INO80: variants seen among roughly 807,000 people sequenced by gnomAD.
INO80 encodes the protein chromatin-remodeling ATPase INO80.
Under a neutral mutation model 203.4 loss-of-function variants are expected in INO80, and 20 were observed. The ratio of observed to expected loss-of-function variants is 0.10; its 90% CI spans 0.07 to 0.14. The LOEUF (loss-of-function observed/expected upper bound fraction) is 0.14, where lower values mean the gene tolerates loss of function less well. Among genes scored for constraint, INO80 ranks in the 10% least tolerant of loss-of-function variants. INO80 has a pLI of 1.00. For missense variants in INO80, 1,419 were observed against 1,914.4 expected, an observed-to-expected ratio of 0.74 and a Z score of 4.83; for synonymous variants, 726 against 685.2, an observed-to-expected ratio of 1.06 and a Z score of -0.93.
rs1031541267 is a variant in INO80 at position 41,116,042 on chromosome 15, G to C, written c.-113C>G. 2.5e-6 allele frequency: 1 copy of C among 394,396 alleles called. No homozygotes were observed. Among genetic ancestry groups the C allele is most frequent in the Non-Finnish European group, 4.5e-6 (1 of 223,420 alleles). 24.4% of individuals were successfully genotyped at this position (394,396 alleles called of 1,614,324 possible). On this transcript the variant is annotated 5_prime_UTR_variant, in exon 1 of 36. Transcript: ENST00000648947. ...GCGGGGTGCGGGCGGGGTCCGGAGG[G>C]GGGGGTCGCCCCGCCGACGGTGGAG...
intron 10 of INO80, 57 bp downstream of exon 10, chr15:41,074,313 C>G (rs1368629325): frequency 1.5e-6 from 2 of 1,336,748 alleles, no homozygotes; most frequent in Non-Finnish European, 2.1e-6. Flanking sequence ...ATGTATATAA[C>G]CTTTAGATAT....
At chr15:41,021,709 G>A (rs185274779) in intron 25 of INO80, among the ~76,000 whole-genome samples, 26 of 152,322 alleles carry the variant, frequency 1.7e-4, no homozygotes, top group African/African-American at 5.8e-4. Context: ...GGGGGAGTGC[G>A]GAGGCAGGGG....
intron 31 of INO80, among the ~76,000 whole-genome samples, chr15:40,985,827 G>C (rs1218225395): frequency 6.6e-6 from 1 of 152,066 alleles, no homozygotes; most frequent in African/African-American, 2.4e-5. Context: ...AGGACTGCCT[G>C]AGCCCAGGAA....
At chr15:41,108,374 G>A (rs1386128929) in intron 1 of INO80, among the ~76,000 whole-genome samples, 1 of 151,944 alleles carries the variant, frequency 6.6e-6, no homozygotes, top group Non-Finnish European at 1.5e-5. Flanking sequence ...CGGATCACAA[G>A]GTCAGGAGAT....
intron 1 of INO80, among the ~76,000 whole-genome samples, chr15:41,109,364 C>T (rs927253752): frequency 1.3e-5 from 2 of 151,672 alleles, no homozygotes; most frequent in Non-Finnish European, 1.5e-5. Context: ...TGAGGCAGAA[C>T]TGCCTGAACC....
At chr15:41,031,615 AGGG>A (rs1490778720) in intron 24 of INO80, among the ~76,000 whole-genome samples, 8 of 2,744 alleles carry the variant, frequency 2.9e-3, no homozygotes, top group African/African-American at 7.3e-3. Context: ...GGAAGGGAGG[AGGG>A]AGGAAGGGAG....
intron 27 of INO80, among the ~76,000 whole-genome samples, chr15:41,015,038 G>C (rs2044183217): frequency 6.6e-6 from 1 of 152,142 alleles, no homozygotes; most frequent in Non-Finnish European, 1.5e-5. Flanking sequence ...TTTATATAAA[G>C]ACTTATTGTA....
chr15:40,982,920 G>A lies in INO80; in HGVS notation c.4395C>T (p.Ala1465=), dbSNP rs758803693. The part of the protein sequence containing the change: ...GSAAAMAGAK[A]GAAAASAAAY... ...CAGCTGCAGAGGCCGCTGCAGCCCC[G>A]GCTTTGGCTCCTGCCATTGCAGCAG... The change falls in exon 35 of 36, where the codon GCC becomes GCT. Residue 1465 remains alanine (A), a synonymous_variant. Coordinates refer to ENST00000648947, the MANE Select transcript of INO80 (RefSeq NM_017553.3). 6.2e-6 allele frequency: 10 copies of A among 1,613,938 alleles called. No homozygotes were observed. The highest frequency in any genetic ancestry group is 3.3e-5 in the South Asian group (3 of 91,084).
intron 12 of INO80, among the ~76,000 whole-genome samples, chr15:41,071,200 C>T (rs2045307236): frequency 6.6e-6 from 1 of 152,056 alleles, no homozygotes; most frequent in Non-Finnish European, 1.5e-5. Context: ...CATCCTTCTG[C>T]CTCTTGTCAA....
intron 24 of INO80, among the ~76,000 whole-genome samples, chr15:41,030,280 T>G (rs1411933730): frequency 6.6e-6 from 1 of 152,362 alleles, no homozygotes; most frequent in East Asian, 1.9e-4. Context: ...ACAAAGCACA[T>G]TATTTGTTAT....
intron 7 of INO80, among the ~76,000 whole-genome samples, chr15:41,084,070 T>C (rs2045524105): frequency 6.6e-6 from 1 of 152,146 alleles, no homozygotes; most frequent in African/African-American, 2.4e-5. Context: ...AAAAATCCAA[T>C]TTATAATGAA....
intron 1 of INO80, among the ~76,000 whole-genome samples, chr15:41,113,296 G>A (rs1431654500): frequency 6.6e-6 from 1 of 151,526 alleles, no homozygotes; most frequent in African/African-American, 2.4e-5. Context: ...ACAGAGTTTT[G>A]CTCTTGTTGC....
At chr15:40,993,071 A>C (rs1215941944) in intron 29 of INO80, among the ~76,000 whole-genome samples, 1 of 152,220 alleles carries the variant, frequency 6.6e-6, no homozygotes, top group Non-Finnish European at 1.5e-5. Flanking sequence ...CAGGGATTAC[A>C]GGCATGAGCC....
At chr15:41,115,245 G>A (rs8027150) in intron 1 of INO80, among the ~76,000 whole-genome samples, 1 of 152,158 alleles carries the variant, frequency 6.6e-6, no homozygotes, top group South Asian at 2.1e-4. Flanking sequence ...CTGTTAACTA[G>A]AATAGTAAGT....
At chr15:41,087,020 T>C (rs2045573327) in intron 6 of INO80, among the ~76,000 whole-genome samples, 1 of 152,280 alleles carries the variant, frequency 6.6e-6, no homozygotes, top group South Asian at 2.1e-4. Flanking sequence ...GTCTTTCCAA[T>C]TCTAGAACTA....
chr15:41,091,650 CTTTTTT>C (rs746421749), intron 5 of INO80, among the ~76,000 whole-genome samples: 1 of 88,272 alleles, frequency 1.1e-5, no homozygotes, highest in Non-Finnish European at 2.1e-5. Context: ...TGATGTATCT[CTTTTTT>C]TTTTTTTTTT....
At chr15:40,994,835 G>A (rs906630205) in intron 29 of INO80, among the ~76,000 whole-genome samples, 2 of 152,162 alleles carry the variant, frequency 1.3e-5, no homozygotes, top group Admixed American at 6.5e-5. Context: ...TTAAACATTT[G>A]TTGAATGAAT....
At chr15:41,038,781 TG>T (rs374647374) in intron 24 of INO80, among the ~76,000 whole-genome samples, 46 of 152,332 alleles carry the variant, frequency 3.0e-4, no homozygotes, top group African/African-American at 1.1e-3. Flanking sequence ...CCATTCTTCC[TG>T]ATATCACACT....
At chr15:41,026,300 C>A (rs2044373675) in intron 25 of INO80, among the ~76,000 whole-genome samples, 1 of 152,210 alleles carries the variant, frequency 6.6e-6, no homozygotes, top group East Asian at 1.9e-4. Flanking sequence ...CATCTGTGAT[C>A]CCAGCACTTT....
Sources: allele counts gnomAD v4.1 joint callset (sites outside exome capture counted in the v4.1 genomes callset), GRCh38; gene constraint gnomAD v4.1.1; transcripts MANE v1.5; gene names NCBI Gene and HGNC (gene_info 2026-07-23, HGNC 2026-07-21).